Variants in ATP8A2 observed in about 807,000 individuals in gnomAD.
The protein encoded by ATP8A2 is ATPase phospholipid transporting 8A2.
ATP8A2 carries 100 observed loss-of-function variants against 165.6 expected under a neutral mutation model. The ratio of observed to expected loss-of-function variants is 0.60; its 90% CI spans 0.51 to 0.71. The LOEUF is 0.71. Among genes scored for constraint, ATP8A2 ranks in the 30% least tolerant of loss-of-function variants. The probability of loss-of-function intolerance (pLI) is 0.00; values close to 1 mark genes in which losing one functional copy is unlikely to be tolerated. For synonymous variants in ATP8A2, 543 were observed against 548.8 expected, an observed-to-expected ratio of 0.99 and a Z score of 0.15; for missense variants, 1,227 against 1,479.5, an observed-to-expected ratio of 0.83 and a Z score of 2.80.
At chr13:25,875,780 T>G (rs1373715944) in intron 33 of ATP8A2, among the ~76,000 whole-genome samples, 6 of 152,252 alleles carry the variant, frequency 3.9e-5, no homozygotes, top group Non-Finnish European at 8.8e-5. Flanking sequence ...ATAGTCACAC[T>G]TAATTACTTC....
intron 33 of ATP8A2, among the ~76,000 whole-genome samples, chr13:25,930,722 A>G (rs1461006054): frequency 6.6e-6 from 1 of 151,964 alleles, no homozygotes; most frequent in Non-Finnish European, 1.5e-5. Context: ...CACACATAAC[A>G]TGGGCTCAAA....
intron 30 of ATP8A2, among the ~76,000 whole-genome samples, chr13:25,844,132 G>A (rs920107911): frequency 2.6e-5 from 4 of 152,122 alleles, no homozygotes; most frequent in African/African-American, 9.7e-5. Context: ...GAGTGGCAGG[G>A]ATAAAGACTG....
At chr13:25,546,650 C>T (rs568718437) in intron 10 of ATP8A2, among the ~76,000 whole-genome samples, 4 of 151,830 alleles carry the variant, frequency 2.6e-5, no homozygotes, top group African/African-American at 9.7e-5. Context: ...GGAAAAAGAG[C>T]GATTATCACA....
chr13:25,772,323 G>A (rs908188425), intron 26 of ATP8A2, among the ~76,000 whole-genome samples: 2 of 152,140 alleles, frequency 1.3e-5, no homozygotes, highest in East Asian at 3.9e-4. Flanking sequence ...TAGTGCTCAA[G>A]TTGAGGCATT....
chr13:25,578,973 G>C, intron 21 of ATP8A2, 74 bp downstream of exon 21: 1 of 1,035,324 alleles, frequency 9.7e-7, no homozygotes, highest in South Asian at 1.3e-5. Flanking sequence ...GATTTCCAGG[G>C]GCACATTCTT....
intron 35 of ATP8A2, among the ~76,000 whole-genome samples, chr13:26,000,968 A>C (rs1956621133): frequency 6.6e-6 from 1 of 152,198 alleles, no homozygotes; most frequent in Non-Finnish European, 1.5e-5. Context: ...ACCACTACCT[A>C]GTTCCAGAAT....
intron 33 of ATP8A2, among the ~76,000 whole-genome samples, chr13:25,907,455 G>A (rs1395670384): frequency 6.6e-6 from 1 of 152,216 alleles, no homozygotes; most frequent in East Asian, 1.9e-4. Flanking sequence ...ATAGGAGCTT[G>A]GCCTCTGGTG....
intron 24 of ATP8A2, among the ~76,000 whole-genome samples, chr13:25,612,833 AT>A (rs1380094666): frequency 6.6e-6 from 1 of 152,150 alleles, no homozygotes; most frequent in African/African-American, 2.4e-5. Context: ...AGGTGCATAT[AT>A]ATTTAGGATT....
At chr13:25,738,748 G>A (rs758607193) in intron 25 of ATP8A2, among the ~76,000 whole-genome samples, 1 of 152,254 alleles carries the variant, frequency 6.6e-6, no homozygotes, top group Non-Finnish European at 1.5e-5. Context: ...ATTTCAGGCT[G>A]ACAACTCTTT....
At chr13:25,687,177 T>G (rs2042619713) in intron 24 of ATP8A2, among the ~76,000 whole-genome samples, 1 of 152,144 alleles carries the variant, frequency 6.6e-6, no homozygotes, top group Non-Finnish European at 1.5e-5. Context: ...AGGCAGCAGA[T>G]AGTCCCCAAA....
chr13:25,887,402 G>T lies in ATP8A2; in HGVS notation c.3183+24994G>T, dbSNP rs191308841. Among the ~76,000 whole-genome samples the T allele has an allele frequency of 3.7e-4, 56 of 151,940 alleles. 1 individual carries two copies. Among genetic ancestry groups the T allele is most frequent in the African/African-American group, 1.2e-3 (49 of 41,408 alleles). ...TGCCCAGACTGAAGTGCAGTGGCGCGATCTTGGCTCACTGAAACCTCTGCC... is the reference window on the plus strand; with the variant it reads ...TGCCCAGACTGAAGTGCAGTGGCGCTATCTTGGCTCACTGAAACCTCTGCC... On this transcript the variant is annotated intron_variant, in intron 33 of 36. Coordinates refer to ENST00000381655, the MANE Select transcript of ATP8A2 (RefSeq NM_016529.6).
chr13:25,799,494 A>G (rs78246965), intron 27 of ATP8A2, among the ~76,000 whole-genome samples: 1,544 of 152,328 alleles, frequency 0.01, 19 homozygotes, highest in African/African-American at 0.035. Context: ...GTCTAAACAC[A>G]TGCAGCCGCT....
At chr13:25,612,678 A>C (rs1029840683) in intron 24 of ATP8A2, among the ~76,000 whole-genome samples, 5 of 152,088 alleles carry the variant, frequency 3.3e-5, no homozygotes, top group African/African-American at 1.2e-4. Flanking sequence ...GTTTAAGTAC[A>C]TTGTTTCTTT....
chr13:25,514,859 C>T (rs745603258), intron 2 of ATP8A2, among the ~76,000 whole-genome samples: 84 of 152,196 alleles, frequency 5.5e-4, no homozygotes, highest in Admixed American at 3.4e-3. Context: ...CTCCAATGCA[C>T]TGGGCTTGTG....
chr13:25,580,562 T>C (rs537812649), intron 22 of ATP8A2, among the ~76,000 whole-genome samples: 2 of 152,286 alleles, frequency 1.3e-5, no homozygotes, highest in Non-Finnish European at 2.9e-5. Context: ...GGTTTCCCTC[T>C]GTTACCCAGG....
At chr13:25,842,545 A>C (rs1457041740) in intron 30 of ATP8A2, among the ~76,000 whole-genome samples, 2 of 151,994 alleles carry the variant, frequency 1.3e-5, no homozygotes, top group African/African-American at 4.8e-5. Flanking sequence ...GGTGGCAGGC[A>C]CCTATAATCC....
intron 24 of ATP8A2, among the ~76,000 whole-genome samples, chr13:25,675,333 A>G (rs949941177): frequency 1.3e-5 from 2 of 152,202 alleles, no homozygotes; most frequent in African/African-American, 4.8e-5. Flanking sequence ...AAAAATGTCT[A>G]GCATTCTTCC....
intron 21 of ATP8A2, 99 bp from the exon 22 acceptor site, chr13:25,579,707 CTT>C (rs2039716378): frequency 1.5e-6 from 2 of 1,378,176 alleles, no homozygotes; most frequent in Admixed American, 3.6e-5. Flanking sequence ...CACAGAGTCT[CTT>C]CAATTTTTTT....
At chr13:25,521,873 A>T (rs2037683700) in intron 2 of ATP8A2, among the ~76,000 whole-genome samples, 1 of 152,154 alleles carries the variant, frequency 6.6e-6, no homozygotes, top group Non-Finnish European at 1.5e-5. Context: ...TGGTTACTAC[A>T]GCTTTGTAGT....
Sources: allele counts gnomAD v4.1 joint callset (sites outside exome capture counted in the v4.1 genomes callset), GRCh38; gene constraint gnomAD v4.1.1; transcripts MANE v1.5; gene names NCBI Gene and HGNC (gene_info 2026-07-23, HGNC 2026-07-21).